The following PTPN22 variants were observed in gnomAD, a reference collection of about 807,000 sequenced individuals.
PTPN22 encodes tyrosine-protein phosphatase non-receptor type 22.
In PTPN22, 85 loss-of-function variants were observed where a neutral mutation model predicts 103.3. That is an observed-to-expected ratio of 0.82 (90% confidence interval 0.69 to 0.99). The LOEUF (loss-of-function observed/expected upper bound fraction) is 0.99, where lower values mean the gene tolerates loss of function less well. Ranked by LOEUF, PTPN22 falls within the 50% of genes least tolerant of loss-of-function variation. The pLI, the probability that PTPN22 is intolerant of heterozygous loss-of-function variation, is 0.00. For synonymous variants in PTPN22, 323 were observed against 310.2 expected, an observed-to-expected ratio of 1.04 and a Z score of -0.43; for missense variants, 865 against 936.9, an observed-to-expected ratio of 0.92 and a Z score of 1.00.
intron 19 of PTPN22, among the ~76,000 whole-genome samples, chr1:113,821,504 A>G (rs148950668): frequency 0.016 from 2,396 of 152,174 alleles, 37 homozygotes; most frequent in Non-Finnish European, 0.026. Context: ...TTGTATTTTT[A>G]GTAGAGATGG....
chr1:113,826,859 C>A (rs887052020), intron 18 of PTPN22, among the ~76,000 whole-genome samples: 2 of 150,926 alleles, frequency 1.3e-5, no homozygotes, highest in Non-Finnish European at 3.0e-5. Flanking sequence ...TTAGTAGAGA[C>A]GGGGTTTCAC....
At chr1:113,869,864 A>G (rs1032292288) in intron 1 of PTPN22, among the ~76,000 whole-genome samples, 2 of 152,194 alleles carry the variant, frequency 1.3e-5, no homozygotes, top group African/African-American at 4.8e-5. Flanking sequence ...CCTTTCAGGT[A>G]ACTCTACCAG....
intron 1 of PTPN22, among the ~76,000 whole-genome samples, chr1:113,867,378 A>T (rs917742262): frequency 2.0e-5 from 3 of 152,238 alleles, no homozygotes; most frequent in Non-Finnish European, 4.4e-5. Flanking sequence ...TGAACAGCTG[A>T]GTGAGCTTAG....
chr1:113,829,654 C>G (rs1386721418), exon 18 of PTPN22: 1 of 1,609,564 alleles, frequency 6.2e-7, no homozygotes, highest in Non-Finnish European at 8.5e-7. Context: ...GTTGAATTTT[C>G]CATGGTGTCA....
chr1:113,864,316 G>A, intron 1 of PTPN22: 1 of 445,020 alleles, frequency 2.2e-6, no homozygotes, highest in Non-Finnish European at 4.5e-6. Flanking sequence ...CTTGAGTCCA[G>A]GAAGTCAAGT....
chr1:113,860,643 A>C (rs765939645), intron 1 of PTPN22, among the ~76,000 whole-genome samples: 1 of 152,238 alleles, frequency 6.6e-6, no homozygotes, highest in Non-Finnish European at 1.5e-5. Flanking sequence ...ATTTAAGGAC[A>C]CATGAAAGAC....
chr1:113,843,619 A>G (rs984871409), intron 11 of PTPN22, among the ~76,000 whole-genome samples: 1 of 152,194 alleles, frequency 6.6e-6, no homozygotes, highest in Non-Finnish European at 1.5e-5. Context: ...GTCACTCAAC[A>G]TTGTGAATAT....
At chr1:113,858,388 C>T in intron 4 of PTPN22, 90 bp downstream of exon 4, 1 of 856,376 alleles carries the variant, frequency 1.2e-6, no homozygotes, top group Non-Finnish European at 1.8e-6. Context: ...TAAAAGATGC[C>T]TGAACCCTGA....
chr1:113,851,885 G>C (rs184520098), intron 10 of PTPN22, 142 bp downstream of exon 10: 3 of 476,362 alleles, frequency 6.3e-6, no homozygotes, highest in African/African-American at 2.0e-5. Context: ...TTCAGAGTTA[G>C]AGAAAATGGC....
Position 113,825,175 on chromosome 1 carries a change from A to G in PTPN22, c.2251-3T>C. 5 of 1,482,144 alleles carry G rather than the reference A, an allele frequency of 3.4e-6. No individual in the cohort carries two copies. Among genetic ancestry groups the G allele is most frequent in the Non-Finnish European group, 4.6e-6 (5 of 1,081,114 alleles). The allele number at this position is 1,482,144 out of a possible 1,614,324, so 91.8% of individuals were successfully genotyped here. A position where few individuals can be genotyped will look rare whatever the true frequency, so the allele number is the denominator to read the frequency against. ...ATGTTTCGCAAAATTTTCAAACTCTACAAAAGAAAGGAAAAATGTTAGTTT... is the reference window on the plus strand; with the variant it reads ...ATGTTTCGCAAAATTTTCAAACTCTGCAAAAGAAAGGAAAAATGTTAGTTT... On this transcript the variant is annotated splice_polypyrimidine_tract_variant and splice_region_variant and intron_variant, in intron 18 of 20. Coordinates refer to ENST00000359785, the Ensembl canonical transcript of PTPN22.
chr1:113,870,684 GAA>G (rs1666502966), intron 1 of PTPN22, among the ~76,000 whole-genome samples: 1 of 151,730 alleles, frequency 6.6e-6, no homozygotes, highest in Non-Finnish European at 1.5e-5. Context: ...CCCTGTTATT[GAA>G]AAAACACATG....
In PTPN22 at chr1:113,829,638, GA is replaced by G; in HGVS notation, c.2203del (p.Ser735GlnfsTer5). On this transcript the variant is annotated frameshift_variant, in exon 18 of 21. Transcript: ENST00000359785. LOFTEE classifies it high-confidence loss of function. ...TCCAGGAGTCTTCAGTGTCTGTTTT[GA>G]AGATGTTGAATTTTCCATGGTGTCA... 1 of 1,609,096 alleles carries G rather than the reference GA, an allele frequency of 6.2e-7. No homozygotes were observed.
exon 13 of PTPN22, chr1:113,837,816 G>A (rs1663154164): frequency 4.3e-6 from 7 of 1,613,696 alleles, no homozygotes; most frequent in Admixed American, 1.7e-5. Context: ...CTAAAGGTAT[G>A]TAAGAATATA....
intron 5 of PTPN22, 57 bp downstream of exon 5, chr1:113,857,681 T>G: frequency 6.6e-7 from 1 of 1,520,634 alleles, no homozygotes; most frequent in South Asian, 1.1e-5. Flanking sequence ...CCAATTTCCC[T>G]CTCCTTTTTC....
Position 113,838,629 on chromosome 1 carries a change from G to T in PTPN22, c.916-9C>A, listed in dbSNP as rs1295347414. On this transcript the variant is annotated splice_polypyrimidine_tract_variant and intron_variant, in intron 11 of 20. Coordinates refer to ENST00000359785, the Ensembl canonical transcript of PTPN22. ...CAATGCTTTGCTTGACTCTTTAAAA[G>T]AAATAAGTCAGAGGCTGGTTTTCAG... The T allele has an allele frequency of 6.2e-7, 1 of 1,610,236 alleles. No individual in the cohort carries two copies. Among genetic ancestry groups the T allele is most frequent in the Admixed American group, 1.7e-5 (1 of 59,686 alleles).
At chr1:113,825,292 G>A (rs1661954952) in intron 18 of PTPN22, 120 bp from the exon 19 acceptor site, 3 of 678,456 alleles carry the variant, frequency 4.4e-6, no homozygotes, top group Non-Finnish European at 7.2e-6. Flanking sequence ...CCATGAAAAT[G>A]TACAAAGTTG....
At position 113,855,652 on chromosome 1, in the gene PTPN22, G is replaced by A. The variant is rs530850178; in HGVS notation, c.541-603C>T. Among the ~76,000 whole-genome samples the A allele has an allele frequency of 6.8e-4, 104 of 152,046 alleles. No individual in the cohort carries two copies. In the South Asian group the frequency reaches 8.9e-3, roughly 13 times the overall value. ...CTATATCCTTTTTGAAATTTATTCC[G>A]GTTTCTTCTCTATAGATCTCAGGTG... is the stretch of plus-strand genomic sequence containing the variant. On this transcript the variant is annotated intron_variant, in intron 7 of 20. Transcript: ENST00000359785.
At chr1:113,821,973 T>C (rs1661652187) in intron 19 of PTPN22, among the ~76,000 whole-genome samples, 1 of 152,212 alleles carries the variant, frequency 6.6e-6, no homozygotes, top group African/African-American at 2.4e-5. Context: ...TCAGACCCAG[T>C]TGGCACTAGT....
chr1:113,840,172 C>T lies in PTPN22; in HGVS notation c.916-1552G>A, dbSNP rs185527581. ...GTTGAAGTGAGCCGAGATCGTACCA[C>T]TGCATTCCAGCCTGGGCGACAGAAT... On this transcript the variant is annotated intron_variant, in intron 11 of 20. Coordinates refer to ENST00000359785, the Ensembl canonical transcript of PTPN22. 1.3e-3 allele frequency among the ~76,000 whole-genome samples: 191 copies of T among 150,438 alleles called. 5 individuals carry two copies. The South Asian group carries it at 0.039, about 31-fold the overall frequency.
Sources: gnomAD v4.1 joint callset for allele counts (sites outside exome capture counted in the v4.1 genomes callset) on GRCh38, gnomAD v4.1.1 for gene constraint, MANE v1.5 for transcripts, NCBI Gene and HGNC (gene_info 2026-07-23, HGNC 2026-07-21) for gene names.